COL23A1: variants seen among roughly 807,000 people sequenced by gnomAD.
COL23A1 encodes collagen type XXIII alpha 1 chain.
Under a neutral mutation model 99.3 loss-of-function variants are expected in COL23A1, and 97 were observed. The observed-to-expected ratio is 0.98, with a 90% CI of 0.83 to 1.16. The LOEUF (loss-of-function observed/expected upper bound fraction) is 1.16, where lower values mean the gene tolerates loss of function less well. Among genes scored for constraint, COL23A1 ranks in the 50% most tolerant of loss-of-function variants. The probability of loss-of-function intolerance (pLI) is 0.00; values close to 1 mark genes in which losing one functional copy is unlikely to be tolerated. For synonymous variants in COL23A1, 320 were observed against 308.2 expected (o/e 1.04, Z -0.40); for missense variants, 762 against 757.4 (o/e 1.01, Z -0.07).
intron 2 of COL23A1, among the ~76,000 whole-genome samples, chr5:178,466,107 C>A (rs1756406396): frequency 6.6e-6 from 1 of 152,170 alleles, no homozygotes; most frequent in South Asian, 2.1e-4. Context: ...GGCCTCCAAG[C>A]CGTGGGCCTC....
intron 2 of COL23A1, among the ~76,000 whole-genome samples, chr5:178,393,656 T>TC (rs1396292543): frequency 6.6e-6 from 1 of 151,426 alleles, no homozygotes; most frequent in Non-Finnish European, 1.5e-5. Flanking sequence ...CTTTTCCTTT[T>TC]TTTTTTTTTT....
At chr5:178,437,867 G>T (rs542222550) in intron 2 of COL23A1, among the ~76,000 whole-genome samples, 2 of 152,190 alleles carry the variant, frequency 1.3e-5, no homozygotes, top group African/African-American at 2.4e-5. Flanking sequence ...ACCAGCAAGG[G>T]GCCTGGGGGG....
intron 2 of COL23A1, among the ~76,000 whole-genome samples, chr5:178,471,835 C>T (rs1756766801): frequency 6.6e-6 from 1 of 152,164 alleles, no homozygotes; most frequent in Non-Finnish European, 1.5e-5. Context: ...CTCAGCTTGC[C>T]TCGCCCCTCC....
intron 2 of COL23A1, among the ~76,000 whole-genome samples, chr5:178,399,818 G>A (rs1184691321): frequency 1.3e-5 from 2 of 152,182 alleles, no homozygotes; most frequent in African/African-American, 2.4e-5. Flanking sequence ...TTCAGACTTG[G>A]TCTCCAGGGA....
chr5:178,289,774 C>A (rs1218974739), intron 4 of COL23A1, among the ~76,000 whole-genome samples: 14 of 152,106 alleles, frequency 9.2e-5, no homozygotes, highest in African/African-American at 3.4e-4. Context: ...TGAGGAACAA[C>A]CAGGCTTGTG....
At chr5:178,266,016 G>A (rs1350237139) in intron 8 of COL23A1, among the ~76,000 whole-genome samples, 1 of 152,098 alleles carries the variant, frequency 6.6e-6, no homozygotes, top group African/African-American at 2.4e-5. Flanking sequence ...GAGAGATAAT[G>A]GCAATTGGAG....
intron 1 of COL23A1, among the ~76,000 whole-genome samples, chr5:178,587,992 A>T (rs1000092318): frequency 6.6e-6 from 1 of 151,996 alleles, no homozygotes; most frequent in African/African-American, 2.4e-5. Flanking sequence ...GCCAGCTTAC[A>T]CTCCACGCAC....
rs539614562 is a variant in COL23A1, at chr5:178,579,699, G to GC, written c.294+10204dup. On this transcript the variant is annotated intron_variant, in intron 1 of 28. Transcript: ENST00000390654. ...GAACTCTTGACCTTGTGATCCACCT[G>GC]CCTCAGACTCCCAAAGTGCTGGGAT... 7.3e-3 allele frequency among the ~76,000 whole-genome samples: 1,113 copies of GC among 152,178 alleles called. 14 individuals carry two copies. Among genetic ancestry groups the GC allele is most frequent in the Middle Eastern group, 0.044 (13 of 294 alleles).
At chr5:178,243,775 C>A (rs1453830095) in intron 25 of COL23A1, among the ~76,000 whole-genome samples, 1 of 152,134 alleles carries the variant, frequency 6.6e-6, no homozygotes, top group East Asian at 1.9e-4. Flanking sequence ...GAGATGCCAC[C>A]CTGAGAACCA....
chr5:178,444,578 T>C (rs1561977831), intron 2 of COL23A1, among the ~76,000 whole-genome samples: 1 of 152,174 alleles, frequency 6.6e-6, no homozygotes, highest in East Asian at 1.9e-4. Flanking sequence ...GCAGATCATC[T>C]GAGATCAGGA....
At chr5:178,275,355 C>G (rs1395943797) in intron 5 of COL23A1, among the ~76,000 whole-genome samples, 1 of 152,198 alleles carries the variant, frequency 6.6e-6, no homozygotes, top group Non-Finnish European at 1.5e-5. Context: ...GCAGCAGGAC[C>G]CTGGACGGTG....
intron 1 of COL23A1, among the ~76,000 whole-genome samples, chr5:178,584,509 CT>C (rs1205872216): frequency 6.6e-6 from 1 of 152,148 alleles, no homozygotes; most frequent in Non-Finnish European, 1.5e-5. Flanking sequence ...AGCCTGAATT[CT>C]TTGAAATTAA....
At chr5:178,296,241 T>C (rs1757732396) in intron 3 of COL23A1, among the ~76,000 whole-genome samples, 1 of 152,182 alleles carries the variant, frequency 6.6e-6, no homozygotes, top group Non-Finnish European at 1.5e-5. Flanking sequence ...TGGCGTGAAG[T>C]GCAGCCCAGA....
At chr5:178,547,232 TG>T (rs1488906879) in intron 2 of COL23A1, among the ~76,000 whole-genome samples, 1 of 151,780 alleles carries the variant, frequency 6.6e-6, no homozygotes, top group Non-Finnish European at 1.5e-5. Context: ...TAAATGCAAA[TG>T]ACTTTCAATC....
chr5:178,557,621 G>A (rs1421651760), intron 2 of COL23A1, among the ~76,000 whole-genome samples: 1 of 152,200 alleles, frequency 6.6e-6, no homozygotes, highest in African/African-American at 2.4e-5. Flanking sequence ...AGATTCCGCT[G>A]ACTCCCCGGG....
rs1051387758 is a variant in COL23A1 at position 178,582,743 on chromosome 5, C to T, written c.294+7161G>A. On this transcript the variant is annotated intron_variant, in intron 1 of 28. Coordinates refer to ENST00000390654, the MANE Select transcript of COL23A1 (RefSeq NM_173465.4). ...CTACCCCCAGGCTACATGCACCTCA[C>T]CATTCCAGGTCCCGAGGACTTGGGG... Among the ~76,000 whole-genome samples the T allele has an allele frequency of 4.6e-5, 7 of 152,326 alleles. No individual in the cohort carries two copies. The South Asian group carries it at 1.2e-3, about 27-fold the overall frequency.
At chr5:178,245,072 T>C (rs1764601221) in intron 25 of COL23A1, among the ~76,000 whole-genome samples, 3 of 128,704 alleles carry the variant, frequency 2.3e-5, no homozygotes, top group Admixed American at 7.3e-5. Flanking sequence ...CATCCACTCA[T>C]CATCTATCAT....
chr5:178,474,583 T>C (rs1194764681), intron 2 of COL23A1, among the ~76,000 whole-genome samples: 1 of 152,258 alleles, frequency 6.6e-6, no homozygotes, highest in African/African-American at 2.4e-5. Flanking sequence ...TTTCTTAACC[T>C]TTCTAACTGT....
intron 2 of COL23A1, among the ~76,000 whole-genome samples, chr5:178,369,539 G>T (rs1447986222): frequency 6.6e-6 from 1 of 152,186 alleles, no homozygotes; most frequent in Non-Finnish European, 1.5e-5. Context: ...ATCTTGAATT[G>T]AACGTGTTGT....
Sources: allele counts gnomAD v4.1 joint callset (sites outside exome capture counted in the v4.1 genomes callset), GRCh38; gene constraint gnomAD v4.1.1; transcripts MANE v1.5; gene names NCBI Gene and HGNC (gene_info 2026-07-23, HGNC 2026-07-21).